Variants in USP6NL observed in about 807,000 individuals in gnomAD.
The protein encoded by USP6NL is USP6 N-terminal-like protein.
Under a neutral mutation model 61.9 loss-of-function variants are expected in USP6NL, and 26 were observed. The ratio of observed to expected loss-of-function variants is 0.42; its 90% CI spans 0.31 to 0.58. USP6NL has a LOEUF of 0.58. Ranked by LOEUF, USP6NL falls within the 20% of genes least tolerant of loss-of-function variation. The probability of loss-of-function intolerance (pLI) is 0.16; values close to 1 mark genes in which losing one functional copy is unlikely to be tolerated. For missense variants in USP6NL, 1,114 were observed against 1,034.3 expected (o/e 1.08, Z -1.06); for synonymous variants, 432 against 390.1 (o/e 1.11, Z -1.27).
In USP6NL at chr10:11,490,894, T is replaced by C. The variant is rs761293006; in HGVS notation, c.495-14A>G. On this transcript the variant is annotated splice_polypyrimidine_tract_variant and intron_variant, in intron 8 of 14. Coordinates refer to ENST00000609104, the MANE Select transcript of USP6NL (RefSeq NM_014688.5). The surrounding 1 kb of genome is among the most constrained non-coding windows in gnomAD (Gnocchi z 4.5). ...AAGGATTGTTGCCTAGAGAAAAAAA[T>C]TTACATTAAATACAATTTAGTAATT... The C allele has an allele frequency of 6.6e-7, 1 of 1,525,822 alleles. No individual in the cohort carries two copies. Among genetic ancestry groups the C allele is most frequent in the Non-Finnish European group, 8.8e-7 (1 of 1,138,944 alleles). The allele number at this position is 1,525,822 out of a possible 1,614,324, so 94.5% of individuals were successfully genotyped here.
At position 11,553,009 on chromosome 10, in the gene USP6NL, C is replaced by T. The variant is rs1836551230; in HGVS notation, c.5-25442G>A. 6.6e-6 allele frequency among the ~76,000 whole-genome samples: 1 copy of T among 152,168 alleles called. No individual in the cohort carries two copies. Among genetic ancestry groups the T allele is most frequent in the Non-Finnish European group, 1.5e-5 (1 of 68,028 alleles). ...CCTTTTGGAGTCTCCAATGTGTGTTCCTCTCTCTATGACTATGTGTACCCA... is the reference window on the plus strand; with the variant it reads ...CCTTTTGGAGTCTCCAATGTGTGTTTCTCTCTCTATGACTATGTGTACCCA... On this transcript the variant is annotated intron_variant, in intron 2 of 14. Coordinates refer to ENST00000609104, the MANE Select transcript of USP6NL (RefSeq NM_014688.5). The surrounding 1 kb of genome is among the most constrained non-coding windows in gnomAD (Gnocchi z 4.8).
chr10:11,527,438 C>A lies in USP6NL; in HGVS notation c.72+62G>T, dbSNP rs543406546. 243 of 1,475,094 alleles carry A rather than the reference C, an allele frequency of 1.6e-4. 3 individuals carry two copies. In the South Asian group the frequency reaches 2.8e-3, roughly 17 times the overall value. 91.4% of individuals were successfully genotyped at this position (1,475,094 alleles called of 1,614,324 possible). ...ATGTAAGCCCTCCAAAAAGCAAATC[C>A]ATTTCTATTTATATGGTTTTTCTAA... On this transcript the variant is annotated intron_variant, in intron 3 of 14. Coordinates refer to ENST00000609104, the MANE Select transcript of USP6NL (RefSeq NM_014688.5).
rs765991661 is a variant in USP6NL, at chr10:11,553,169, C to T, written c.5-25602G>A. ...ATCATCCTTCCTTTTACATTTGCTC[C>T]ACTATCACATTAATCCACAACCATA... On this transcript the variant is annotated intron_variant, in intron 2 of 14. Transcript: ENST00000609104. The surrounding 1 kb of genome is among the most constrained non-coding windows in gnomAD (Gnocchi z 4.8). 4.6e-5 allele frequency among the ~76,000 whole-genome samples: 7 copies of T among 152,116 alleles called. No homozygotes were observed. Among genetic ancestry groups the T allele is most frequent in the Non-Finnish European group, 5.9e-5 (4 of 68,014 alleles).
At chr10:11,588,152 A>G (rs1023481905) in intron 2 of USP6NL, among the ~76,000 whole-genome samples, 7 of 152,218 alleles carry the variant, frequency 4.6e-5, no homozygotes, top group Non-Finnish European at 4.4e-5. Flanking sequence ...AAAAACATCA[A>G]TATCACAAAA....
intron 2 of USP6NL, among the ~76,000 whole-genome samples, chr10:11,534,797 AT>A (rs1835774386): frequency 6.6e-6 from 1 of 152,226 alleles, no homozygotes; most frequent in Non-Finnish European, 1.5e-5. Flanking sequence ...AGTAAATGCT[AT>A]TGACATTATT....
At chr10:11,473,435 G>T (rs1213141360) in intron 14 of USP6NL, among the ~76,000 whole-genome samples, 1 of 152,188 alleles carries the variant, frequency 6.6e-6, no homozygotes, top group Non-Finnish European at 1.5e-5. Context: ...TGGGTTTGGG[G>T]AGGCCAGGCA....
In USP6NL at chr10:11,548,633, G is replaced by T. The variant is rs1304677839; in HGVS notation, c.5-21066C>A. On this transcript the variant is annotated intron_variant, in intron 2 of 14. Transcript: ENST00000609104. The surrounding 1 kb of genome is among the most constrained non-coding windows in gnomAD (Gnocchi z 4.3). ...TTTTCACCCTAGCCACTGAAAAACTGCTGAATAAGCTAAGATCCTAGGACC... is the reference window on the plus strand; with the variant it reads ...TTTTCACCCTAGCCACTGAAAAACTTCTGAATAAGCTAAGATCCTAGGACC... 6.6e-6 allele frequency among the ~76,000 whole-genome samples: 1 copy of T among 152,038 alleles called. No individual in the cohort carries two copies. The highest frequency in any genetic ancestry group is 1.5e-5 in the Non-Finnish European group (1 of 67,976).
chr10:11,550,658 G>A (rs569760335), intron 2 of USP6NL, among the ~76,000 whole-genome samples: 3 of 152,224 alleles, frequency 2.0e-5, no homozygotes, highest in East Asian at 3.9e-4. Context: ...CAGGGAGGCT[G>A]AGGCAGAAGA....
rs1836958795 is a variant in USP6NL, at chr10:11,562,133, A to G, written c.5-34566T>C. Among the ~76,000 whole-genome samples, 1 of 152,132 alleles carries G rather than the reference A, an allele frequency of 6.6e-6. No homozygotes were observed. Among genetic ancestry groups the G allele is most frequent in the Non-Finnish European group, 1.5e-5 (1 of 68,012 alleles). The stretch of plus-strand genomic sequence containing the variant: ...GTCTCTACTAAAAATACAAAAAATT[A>G]GCTGGATGTGGTGGCTGGCGCCTGT... On this transcript the variant is annotated intron_variant, in intron 2 of 14. Transcript: ENST00000609104. This position sits in a 1 kb window ranked among gnomAD's most constrained non-coding sequence, Gnocchi z 4.8.
rs60649990 is a variant in USP6NL, at chr10:11,598,012, T to C, written c.-83-295A>G. Among the ~76,000 whole-genome samples the C allele has an allele frequency of 0.11, 16,446 of 152,108 alleles. 1,405 individuals carry two copies. The highest frequency in any genetic ancestry group is 0.43 in the East Asian group (2,216 of 5,180). ...CGTCTTCAACACTAAAAACATTTCTTCCCCATTCCCAGCTAAGAAAATCAC... is the reference window on the plus strand; with the variant it reads ...CGTCTTCAACACTAAAAACATTTCTCCCCCATTCCCAGCTAAGAAAATCAC... On this transcript the variant is annotated intron_variant, in intron 1 of 14. Transcript: ENST00000609104. The surrounding 1 kb of genome is among the most constrained non-coding windows in gnomAD (Gnocchi z 4.7).
chr10:11,463,039 G>C lies in USP6NL; in HGVS notation c.1889C>G (p.Pro630Arg), dbSNP rs753637873. The C allele has an allele frequency of 7.4e-6, 12 of 1,613,852 alleles. No homozygotes were observed. In the African/African-American group the frequency reaches 1.5e-4, roughly 20 times the overall value. ...DGEARGLAHP[P>R]SYSNPPVYHG... ...GTAAACGGGGGGATTGCTGTAGGAGGGGGGATGAGCTAGCCCTCGGGCTTC... is the reference window on the plus strand; with the variant it reads ...GTAAACGGGGGGATTGCTGTAGGAGCGGGGATGAGCTAGCCCTCGGGCTTC... The change falls in exon 15 of 15, where the codon CCC becomes CGC. Residue 630 changes from proline (P) to arginine (R), a missense_variant. By Grantham distance (103) the Pro-to-Arg change is moderately radical (BLOSUM62 -2). Transcript: ENST00000609104. The surrounding 1 kb of genome is among the most constrained non-coding windows in gnomAD (Gnocchi z 6.3).
intron 2 of USP6NL, among the ~76,000 whole-genome samples, chr10:11,544,306 T>C (rs1325436667): frequency 6.6e-6 from 1 of 152,154 alleles, no homozygotes; most frequent in Non-Finnish European, 1.5e-5. Context: ...CCTTGATGAA[T>C]TATGTCAATT....
rs147646781 is a variant in USP6NL at position 11,548,898 on chromosome 10, A to G, written c.5-21331T>C. ...AAAAGGAAGTTGTATTAGTGCTATT[A>G]TACCCAGAAAAGTCCCTAAAGACCA... On this transcript the variant is annotated intron_variant, in intron 2 of 14. Coordinates refer to ENST00000609104, the MANE Select transcript of USP6NL (RefSeq NM_014688.5). This position sits in a 1 kb window ranked among gnomAD's most constrained non-coding sequence, Gnocchi z 4.3. Among the ~76,000 whole-genome samples the G allele has an allele frequency of 1.6e-3, 243 of 152,288 alleles. No individual in the cohort carries two copies. Among genetic ancestry groups the G allele is most frequent in the African/African-American group, 5.6e-3 (234 of 41,580 alleles).
chr10:11,471,989 G>A (rs1459690030), intron 14 of USP6NL, among the ~76,000 whole-genome samples: 1 of 150,752 alleles, frequency 6.6e-6, no homozygotes, highest in Non-Finnish European at 1.5e-5. Flanking sequence ...AAGACTTACT[G>A]CCCTACTCCT....
intron 2 of USP6NL, among the ~76,000 whole-genome samples, chr10:11,556,546 C>G (rs1218391079): frequency 6.6e-6 from 1 of 152,024 alleles, no homozygotes; most frequent in Non-Finnish European, 1.5e-5. Flanking sequence ...AACAAACAAG[C>G]ACTCAGCAAA....
At chr10:11,538,951 G>A (rs183149934) in intron 2 of USP6NL, among the ~76,000 whole-genome samples, 2 of 152,290 alleles carry the variant, frequency 1.3e-5, no homozygotes, top group South Asian at 2.1e-4. Context: ...GCTCCCTTTC[G>A]TTGTGGAAAG....
rs1172746300 is a variant in USP6NL, at chr10:11,513,607, G to A, written c.196-3932C>T. ...CATTTATACTATTTAGGTTTTTAGG[G>A]GGAACTGATCATTAGACAATCACGA... On this transcript the variant is annotated intron_variant, in intron 5 of 14. Coordinates refer to ENST00000609104, the MANE Select transcript of USP6NL (RefSeq NM_014688.5). The surrounding 1 kb of genome is among the most constrained non-coding windows in gnomAD (Gnocchi z 4.7). Among the ~76,000 whole-genome samples, 1 of 152,042 alleles carries A rather than the reference G, an allele frequency of 6.6e-6. No individual in the cohort carries two copies. Among genetic ancestry groups the A allele is most frequent in the Non-Finnish European group, 1.5e-5 (1 of 67,994 alleles).
At chr10:11,538,316 G>A (rs1835917510) in intron 2 of USP6NL, among the ~76,000 whole-genome samples, 1 of 151,998 alleles carries the variant, frequency 6.6e-6, no homozygotes, top group Admixed American at 6.6e-5. Flanking sequence ...ACTGCCCATT[G>A]CTAGTAAGGC....
At position 11,562,525 on chromosome 10, in the gene USP6NL, T is replaced by G. The variant is rs1250730253; in HGVS notation, c.5-34958A>C. On this transcript the variant is annotated intron_variant, in intron 2 of 14. Coordinates refer to ENST00000609104, the MANE Select transcript of USP6NL (RefSeq NM_014688.5). This position sits in a 1 kb window ranked among gnomAD's most constrained non-coding sequence, Gnocchi z 4.8. ...GAAAAGAGCCGGGTCACTCAAGACATTGCTTGGCCACTGTGACTACTCTGA... is the reference window on the plus strand; with the variant it reads ...GAAAAGAGCCGGGTCACTCAAGACAGTGCTTGGCCACTGTGACTACTCTGA... The G allele has an allele frequency of 3.0e-6, 3 of 985,264 alleles. No homozygotes were observed. The highest frequency in any genetic ancestry group is 3.6e-6 in the Non-Finnish European group (3 of 829,928). 61.0% of individuals were successfully genotyped at this position (985,264 alleles called of 1,614,324 possible).
Sources: allele counts gnomAD v4.1 joint callset (sites outside exome capture counted in the v4.1 genomes callset), GRCh38; gene constraint gnomAD v4.1.1; non-coding constraint Gnocchi (gnomAD v3.1); transcripts MANE v1.5; gene names NCBI Gene and HGNC (gene_info 2026-07-23, HGNC 2026-07-21).